The following STAB2 variants were observed in gnomAD, a reference collection of about 807,000 sequenced individuals.
The protein encoded by STAB2 is stabilin 2.
In STAB2, 288 loss-of-function variants were observed where a neutral mutation model predicts 338.1. That is an observed-to-expected ratio of 0.85 (90% CI 0.77 to 0.94). The LOEUF is 0.94. STAB2 is among the 40% of genes least tolerant of loss of function. The pLI, the probability that STAB2 is intolerant of heterozygous loss-of-function variation, is 0.00. For synonymous variants in STAB2, 1,202 were observed against 1,193.3 expected (o/e 1.01, Z -0.15); for missense variants, 3,141 against 3,210.1 (o/e 0.98, Z 0.52).
chr12:103,677,416 G>A, intron 24 of STAB2, 37 bp from the exon 25 acceptor site: 2 of 1,581,496 alleles, frequency 1.3e-6, no homozygotes, highest in Admixed American at 1.7e-5. Flanking sequence ...GCTGGACTGA[G>A]GATTCAGAGG....
intron 38 of STAB2, among the ~76,000 whole-genome samples, chr12:103,707,955 A>C (rs1236935373): frequency 6.6e-6 from 1 of 152,184 alleles, no homozygotes; most frequent in African/African-American, 2.4e-5. Flanking sequence ...GCTAAAGCTG[A>C]ATACATTTTT....
Position 103,761,350 on chromosome 12 carries a change from T to G in STAB2, c.7299T>G (p.Phe2433Leu). Reference protein sequence around the residue: ...DGRAILQWDIFASNGIIHVIS... With the variant: ...DGRAILQWDILASNGIIHVIS... ...GAGCCATTCTGCAGTGGGACATCTT[T>G]GCCTCCAATGGGATCATTCATGTCA... Residue 2433 changes from phenylalanine to leucine, a missense_variant, in exon 66 of 69, where the codon TTT becomes TTG. Phe to Leu is a conservative substitution (Grantham distance 22). Coordinates refer to ENST00000388887, the MANE Select transcript of STAB2 (RefSeq NM_017564.10). 6.2e-7 allele frequency: 1 copy of G among 1,614,106 alleles called. No homozygotes were observed. The highest frequency in any genetic ancestry group is 8.5e-7 in the Non-Finnish European group (1 of 1,180,004).
intron 44 of STAB2, among the ~76,000 whole-genome samples, chr12:103,718,627 A>G (rs985581355): frequency 6.6e-6 from 1 of 152,218 alleles, no homozygotes; most frequent in Non-Finnish European, 1.5e-5. Flanking sequence ...GGACCAGCGG[A>G]TGGACATTAG....
intron 42 of STAB2, among the ~76,000 whole-genome samples, chr12:103,714,296 A>G (rs1168743876): frequency 6.6e-6 from 1 of 152,242 alleles, no homozygotes; most frequent in Non-Finnish European, 1.5e-5. Context: ...AAGGTATGCC[A>G]TAGTAAGTTG....
chr12:103,653,166 C>T lies in STAB2; in HGVS notation c.1407+461C>T, dbSNP rs117146263. On this transcript the variant is annotated intron_variant, in intron 12 of 68. Coordinates refer to ENST00000388887, the MANE Select transcript of STAB2 (RefSeq NM_017564.10). ...GTTCTGTTTGTTTTTTATATAAACC[C>T]ATCCTCCCCCACCCCACCCCCACTT... Among the ~76,000 whole-genome samples the T allele has an allele frequency of 1.6e-4, 24 of 152,180 alleles. No individual in the cohort carries two copies. In the East Asian group the frequency reaches 4.6e-3, roughly 29 times the overall value.
chr12:103,725,400 T>TATACA (rs1427040859), intron 45 of STAB2, among the ~76,000 whole-genome samples: 1 of 152,248 alleles, frequency 6.6e-6, no homozygotes, highest in African/African-American at 2.4e-5. Context: ...CCTCTCTGTA[T>TATACA]ATCAATTTTC....
At chr12:103,705,865 T>A (rs889514596) in intron 37 of STAB2, 138 bp downstream of exon 37, 5 of 782,216 alleles carry the variant, frequency 6.4e-6, no homozygotes, top group Non-Finnish European at 1.1e-5. Context: ...ATCATTGTCA[T>A]CCAATGTAGT....
intron 49 of STAB2, among the ~76,000 whole-genome samples, chr12:103,731,069 AG>A (rs1881599934): frequency 6.6e-6 from 1 of 152,108 alleles, no homozygotes; most frequent in Admixed American, 6.5e-5. Context: ...TGTCTAAAAA[AG>A]TTTTTTTTAA....
chr12:103,604,571 A>G (rs1565955050), intron 3 of STAB2, among the ~76,000 whole-genome samples: 1 of 151,988 alleles, frequency 6.6e-6, no homozygotes, highest in Non-Finnish European at 1.5e-5. Flanking sequence ...ATTTCCTTTG[A>G]GTGAGCTTTC....
At chr12:103,705,049 C>T (rs577334380) in intron 36 of STAB2, 2 of 157,948 alleles carry the variant, frequency 1.3e-5, no homozygotes, top group Admixed American at 1.3e-4. Context: ...GTAGACAATC[C>T]ATGTTTCTTG....
intron 3 of STAB2, among the ~76,000 whole-genome samples, chr12:103,609,856 C>T (rs533347711): frequency 3.9e-5 from 6 of 152,220 alleles, no homozygotes; most frequent in South Asian, 4.2e-4. Flanking sequence ...TTTTGAGATA[C>T]GTCCCATCAA....
chr12:103,647,712 T>C lies in STAB2; in HGVS notation c.1041-978T>C, dbSNP rs530470147. ...AAGATTGGCATATTAACCATGGAAA[T>C]TGGCAAATGCTACAAAGTAGGGCTT... On this transcript the variant is annotated intron_variant, in intron 9 of 68. Coordinates refer to ENST00000388887, the MANE Select transcript of STAB2 (RefSeq NM_017564.10). Among the ~76,000 whole-genome samples, 8 of 152,322 alleles carry C rather than the reference T, an allele frequency of 5.3e-5. No homozygotes were observed. In the East Asian group the frequency reaches 1.4e-3, roughly 26 times the overall value.
chr12:103,623,921 C>T (rs1045301457), intron 5 of STAB2, among the ~76,000 whole-genome samples: 13 of 152,156 alleles, frequency 8.5e-5, no homozygotes, highest in African/African-American at 1.4e-4. Context: ...TGCTCACAAT[C>T]GCAGTCAGTA....
Position 103,758,988 on chromosome 12 carries a change from GA to G in STAB2, c.7108-141del, listed in dbSNP as rs1884341251. 2.9e-6 allele frequency: 4 copies of G among 1,394,808 alleles called. No individual in the cohort carries two copies. The East Asian group carries it at 7.0e-5, about 24-fold the overall frequency. 86.4% of individuals were successfully genotyped at this position (1,394,808 alleles called of 1,614,324 possible). On this transcript the variant is annotated intron_variant, in intron 64 of 68. Coordinates refer to ENST00000388887, the MANE Select transcript of STAB2 (RefSeq NM_017564.10). ...AGAGCCCAGACAACCAGAAGCCTAA[GA>G]AAACCTTGACATTTCCTGATCTCCA...
At position 103,762,260 on chromosome 12, in the gene STAB2, T is replaced by G; in HGVS notation, c.7360-14T>G. ...AGTTTTAAGAATGGGCCCCTTTCCT[T>G]TCTTTGTGTTCAGACCTTGACCCAC... On this transcript the variant is annotated splice_polypyrimidine_tract_variant and intron_variant, in intron 66 of 68. Coordinates refer to ENST00000388887, the MANE Select transcript of STAB2 (RefSeq NM_017564.10). 2 of 1,612,916 alleles carry G rather than the reference T, an allele frequency of 1.2e-6. No homozygotes were observed. The highest frequency in any genetic ancestry group is 1.7e-6 in the Non-Finnish European group (2 of 1,179,562).
At chr12:103,621,470 C>T (rs1309056681) in intron 4 of STAB2, among the ~76,000 whole-genome samples, 3 of 152,294 alleles carry the variant, frequency 2.0e-5, no homozygotes, top group Middle Eastern at 3.4e-3. Flanking sequence ...AGGTGGCTCA[C>T]GCCTGTAATC....
chr12:103,675,298 C>T (rs563615861), intron 23 of STAB2, among the ~76,000 whole-genome samples: 31 of 152,118 alleles, frequency 2.0e-4, no homozygotes, highest in African/African-American at 7.2e-4. Flanking sequence ...TTGAGAGGAG[C>T]GTCTGGAAAG....
chr12:103,602,568 A>T (rs1031230443), intron 3 of STAB2, among the ~76,000 whole-genome samples: 1 of 152,172 alleles, frequency 6.6e-6, no homozygotes, highest in African/African-American at 2.4e-5. Context: ...AAGTATCTAT[A>T]TTATTTTTCA....
chr12:103,587,956 G>A (rs1255659231), intron 1 of STAB2, among the ~76,000 whole-genome samples: 1 of 152,198 alleles, frequency 6.6e-6, no homozygotes, highest in African/African-American at 2.4e-5. Flanking sequence ...ATCTCACTAA[G>A]GAACACAAGT....
Sources: gnomAD v4.1 joint callset for allele counts (sites outside exome capture counted in the v4.1 genomes callset) on GRCh38, gnomAD v4.1.1 for gene constraint, MANE v1.5 for transcripts, NCBI Gene and HGNC (gene_info 2026-07-23, HGNC 2026-07-21) for gene names.